Variants in BMPR1B observed in about 807,000 individuals in gnomAD.
BMPR1B encodes the protein bone morphogenetic protein receptor type-1B.
A neutral mutation model predicts 59.1 loss-of-function variants in BMPR1B; 12 were observed. The ratio of observed to expected loss-of-function variants is 0.20; its 90% CI spans 0.13 to 0.33. The LOEUF is 0.33. Ranked by LOEUF, BMPR1B falls within the 10% of genes least tolerant of loss-of-function variation. The pLI is 1.00. For missense variants in BMPR1B, 550 were observed against 610.9 expected, an observed-to-expected ratio of 0.90 and a Z score of 1.05; for synonymous variants, 237 against 207.3, an observed-to-expected ratio of 1.14 and a Z score of -1.23.
chr4:94,925,114 A>C (rs1728836042), intron 2 of BMPR1B, among the ~76,000 whole-genome samples: 2 of 152,194 alleles, frequency 1.3e-5, no homozygotes, highest in Middle Eastern at 3.4e-3. Flanking sequence ...TGAAATCAGA[A>C]ATTGGTCAAT....
At chr4:94,859,117 A>C (rs1725881208) in intron 1 of BMPR1B, among the ~76,000 whole-genome samples, 1 of 152,200 alleles carries the variant, frequency 6.6e-6, no homozygotes, top group Non-Finnish European at 1.5e-5. Context: ...GAAGAATTTG[A>C]ACTGTTGTCC....
chr4:95,152,578 A>G (rs2149330393), intron 11 of BMPR1B, 65 bp from the exon 12 acceptor site: 1 of 1,404,948 alleles, frequency 7.1e-7, no homozygotes, highest in Non-Finnish European at 9.6e-7. Flanking sequence ...GAACTGTGTT[A>G]GACTTTTATT....
chr4:94,766,600 G>T (rs1445176512), intron 1 of BMPR1B, among the ~76,000 whole-genome samples: 2 of 151,812 alleles, frequency 1.3e-5, no homozygotes, highest in East Asian at 3.8e-4. Flanking sequence ...TAATTGTAAA[G>T]AATGTTCATT....
chr4:94,895,764 A>G (rs188941780), intron 2 of BMPR1B, among the ~76,000 whole-genome samples: 108 of 151,878 alleles, frequency 7.1e-4, no homozygotes, highest in African/African-American at 2.5e-3. Flanking sequence ...TTGTTTGGTT[A>G]TTAGAATCAT....
At chr4:95,135,333 T>G (rs1733690171) in intron 10 of BMPR1B, among the ~76,000 whole-genome samples, 1 of 152,222 alleles carries the variant, frequency 6.6e-6, no homozygotes, top group Admixed American at 6.5e-5. Context: ...TAGGATTGAC[T>G]TAGCAATGCG....
intron 3 of BMPR1B, among the ~76,000 whole-genome samples, chr4:95,089,057 G>GC (rs1729795014): frequency 6.6e-6 from 1 of 151,978 alleles, no homozygotes; most frequent in Non-Finnish European, 1.5e-5. Flanking sequence ...ATGGTCCTTT[G>GC]CCCCCATATT....
intron 3 of BMPR1B, among the ~76,000 whole-genome samples, chr4:95,044,635 G>C (rs1468036453): frequency 5.3e-5 from 8 of 152,166 alleles, no homozygotes; most frequent in African/African-American, 1.9e-4. Flanking sequence ...GAGAAGACGT[G>C]CTCAGAATAA....
chr4:94,842,281 C>G (rs1443625666), intron 1 of BMPR1B, among the ~76,000 whole-genome samples: 1 of 151,968 alleles, frequency 6.6e-6, no homozygotes, highest in South Asian at 2.1e-4. Context: ...CCTCTTTATA[C>G]CAGGAGATAA....
chr4:94,759,442 A>G (rs1268040463), intron 1 of BMPR1B, among the ~76,000 whole-genome samples: 2 of 152,234 alleles, frequency 1.3e-5, no homozygotes, highest in Non-Finnish European at 2.9e-5. Context: ...AATTTGAAAA[A>G]GCACTTAATG....
At chr4:94,840,689 T>C (rs1446769524) in intron 1 of BMPR1B, among the ~76,000 whole-genome samples, 1 of 147,156 alleles carries the variant, frequency 6.8e-6, no homozygotes, top group Non-Finnish European at 1.5e-5. Flanking sequence ...AGTTTTCAAC[T>C]TCTTTGTCTT....
intron 2 of BMPR1B, among the ~76,000 whole-genome samples, chr4:94,922,314 T>A (rs1728720340): frequency 6.6e-6 from 1 of 152,008 alleles, no homozygotes. Context: ...TGTGGATACC[T>A]CTTGTGGGAC....
At chr4:94,789,766 T>C (rs1202573293) in intron 1 of BMPR1B, among the ~76,000 whole-genome samples, 1 of 151,926 alleles carries the variant, frequency 6.6e-6, no homozygotes, top group Admixed American at 6.6e-5. Flanking sequence ...TCACCTAATA[T>C]ATATATCTTA....
At chr4:94,916,349 C>A (rs113720571) in intron 2 of BMPR1B, among the ~76,000 whole-genome samples, 6,411 of 152,230 alleles carry the variant, frequency 0.042, 189 homozygotes, top group South Asian at 0.08. Flanking sequence ...GACCAAAATG[C>A]TGATAGTGAT....
intron 2 of BMPR1B, among the ~76,000 whole-genome samples, chr4:94,923,763 GCCCTGTTTGC>G (rs531143099): frequency 6.6e-6 from 1 of 152,064 alleles, no homozygotes; most frequent in Non-Finnish European, 1.5e-5. Context: ...AACCTTCTCT[GCCCTGTTTGC>G]CCCTACCTCT....
chr4:94,795,424 C>A (rs982502180), intron 1 of BMPR1B, among the ~76,000 whole-genome samples: 43 of 143,746 alleles, frequency 3.0e-4, no homozygotes, highest in African/African-American at 1.1e-3. Flanking sequence ...CAGAAAACTT[C>A]TTATTGAAAC....
At chr4:94,928,147 A>C (rs1398254307) in intron 2 of BMPR1B, among the ~76,000 whole-genome samples, 1 of 149,666 alleles carries the variant, frequency 6.7e-6, no homozygotes, top group Non-Finnish European at 1.5e-5. Context: ...TTTTTATTTT[A>C]TTTTCTGTTT....
At chr4:94,760,678 A>G (rs963111749) in intron 1 of BMPR1B, among the ~76,000 whole-genome samples, 13 of 152,264 alleles carry the variant, frequency 8.5e-5, no homozygotes, top group African/African-American at 3.1e-4. Flanking sequence ...TCTGTGCTGT[A>G]TGGTTACTTG....
chr4:94,842,164 C>G (rs1725113407), intron 1 of BMPR1B, among the ~76,000 whole-genome samples: 1 of 152,156 alleles, frequency 6.6e-6, no homozygotes, highest in Non-Finnish European at 1.5e-5. Context: ...TTAATTTTAA[C>G]TTTACGTTAT....
At chr4:94,810,467 G>A (rs371253017) in intron 1 of BMPR1B, among the ~76,000 whole-genome samples, 1 of 152,170 alleles carries the variant, frequency 6.6e-6, no homozygotes, top group African/African-American at 2.4e-5. Flanking sequence ...AGGGGAGAAA[G>A]TGTAAATTTG....
Sources: allele counts gnomAD v4.1 joint callset (sites outside exome capture counted in the v4.1 genomes callset), GRCh38; gene constraint gnomAD v4.1.1; transcripts MANE v1.5; gene names NCBI Gene and HGNC (gene_info 2026-07-23, HGNC 2026-07-21).